Variants in RBM26 observed in about 807,000 individuals in gnomAD.
The protein encoded by RBM26 is RNA-binding protein 26.
A neutral mutation model predicts 123.6 loss-of-function variants in RBM26; 30 were observed. The observed-to-expected ratio is 0.24, with a 90% CI of 0.18 to 0.33. The LOEUF is 0.33. RBM26 is among the 10% of genes least tolerant of loss of function. The pLI is 1.00. For missense variants in RBM26, 947 were observed against 1,203.6 expected (o/e 0.79, Z 3.15); for synonymous variants, 400 against 404.4 (o/e 0.99, Z 0.13).
intron 1 of RBM26, among the ~76,000 whole-genome samples, chr13:79,379,580 T>G (rs2076917215): frequency 1.3e-5 from 2 of 151,468 alleles, no homozygotes; most frequent in South Asian, 4.2e-4. Context: ...AACTTGGCAG[T>G]TGCCTTTTAC....
chr13:79,333,593 T>C (rs552796579), intron 20 of RBM26, among the ~76,000 whole-genome samples: 1 of 152,304 alleles, frequency 6.6e-6, no homozygotes, highest in Admixed American at 6.5e-5. Flanking sequence ...CCTGGAACAA[T>C]GGCAAGGACA....
At chr13:79,325,220 CTT>C (rs1032606809) in intron 20 of RBM26, among the ~76,000 whole-genome samples, 2 of 152,042 alleles carry the variant, frequency 1.3e-5, no homozygotes, top group Non-Finnish European at 2.9e-5. Flanking sequence ...ATACTATACT[CTT>C]TATCATTATT....
chr13:79,313,070 A>G (rs2066941184), exon 5 of RBM26: 1 of 151,884 alleles, frequency 6.6e-6, no homozygotes, highest in Non-Finnish European at 1.5e-5. Context: ...AAATCTAAGT[A>G]TTGAAAAATA....
intron 14 of RBM26, among the ~76,000 whole-genome samples, chr13:79,347,596 T>C (rs964615503): frequency 6.6e-6 from 1 of 152,182 alleles, no homozygotes; most frequent in African/African-American, 2.4e-5. Context: ...CATTTCTATA[T>C]TCCAAATGCA....
chr13:79,322,383 A>T lies in RBM26; in HGVS notation c.2900T>A (p.Val967Asp), dbSNP rs576246905. ...ATCAGGCTCAACTTCTTCTGTTTCA[A>T]CAGCTGAAATATTAGTTACTGGTTT... ...WNKPVTNISAVETEEVEPDEE... is the reference protein window; with the variant it reads ...WNKPVTNISADETEEVEPDEE... The change falls in exon 21 of 22, where the codon GTT (valine) becomes GAT (aspartate). Residue 967 changes from valine (V) to aspartate (D), a missense_variant. This residue lies in a region of RBM26 where 164 missense variants were observed against 215.3 expected (regional missense o/e 0.76). Coordinates refer to ENST00000438737, the MANE Select transcript of RBM26 (RefSeq NM_001366735.2). 6.3e-7 allele frequency: 1 copy of T among 1,577,446 alleles called. No individual in the cohort carries two copies. The highest frequency in any genetic ancestry group is 1.4e-5 in the African/African-American group (1 of 72,084).
chr13:79,371,936 T>TAAAAA lies in RBM26; in HGVS notation c.328-11_328-7dup. ...CGCTCTTCCTCCTTAGTGATCTGATTAAAAAAAAAAAAAAAAGTGTACAAG... is the reference window on the plus strand; with the variant it reads ...CGCTCTTCCTCCTTAGTGATCTGATTAAAAAAAAAAAAAAAAAAAAAGTGTACAAG... On this transcript the variant is annotated splice_polypyrimidine_tract_variant and splice_region_variant and intron_variant, in intron 3 of 21. Coordinates refer to ENST00000438737, the MANE Select transcript of RBM26 (RefSeq NM_001366735.2). The TAAAAA allele has an allele frequency of 3.1e-6, 4 of 1,300,312 alleles. No homozygotes were observed. The highest frequency in any genetic ancestry group is 4.2e-6 in the Non-Finnish European group (4 of 942,124). 80.5% of individuals were successfully genotyped at this position (1,300,312 alleles called of 1,614,324 possible).
rs988255496 is a variant in RBM26, at chr13:79,354,520, T to C, written c.1905A>G (p.Ser635=). Residue 635 remains serine (S), a synonymous_variant, in exon 13 of 22, where the codon TCA becomes TCG. Coordinates refer to ENST00000438737, the MANE Select transcript of RBM26 (RefSeq NM_001366735.2). ...GTACTGGACCCAGCCGCTCTTTGACTGACTGCTTCACAACAGGCAAAATGG... is the reference window on the plus strand; with the variant it reads ...GTACTGGACCCAGCCGCTCTTTGACCGACTGCTTCACAACAGGCAAAATGG... ...QQPILPVVKQ[S]VKERLGPVPS... The C allele has an allele frequency of 3.7e-6, 6 of 1,609,124 alleles. No individual in the cohort carries two copies. The highest frequency in any genetic ancestry group is 2.5e-6 in the Non-Finnish European group (3 of 1,176,638).
chr13:79,404,456 A>G (rs993554175), intron 1 of RBM26, among the ~76,000 whole-genome samples: 1 of 152,212 alleles, frequency 6.6e-6, no homozygotes, highest in Non-Finnish European at 1.5e-5. Flanking sequence ...GGCAGAGTTA[A>G]AACAAAATTA....
At chr13:79,375,163 T>C (rs1324327755) in intron 3 of RBM26, among the ~76,000 whole-genome samples, 2 of 98,948 alleles carry the variant, frequency 2.0e-5, no homozygotes, top group Non-Finnish European at 4.2e-5. Flanking sequence ...CATATTTATA[T>C]ATATTATATA....
At chr13:79,316,228 T>TGTGTGTGC (rs1321447427), downstream of RBM26, among the ~76,000 whole-genome samples, 1 of 146,994 alleles carries the variant, frequency 6.8e-6, no homozygotes, top group Non-Finnish European at 1.5e-5. Flanking sequence ...TGTGTGTGTG[T>TGTGTGTGC]GTGTTGGGTG....
In RBM26 at chr13:79,320,816, A is replaced by G. The variant is rs183590766; in HGVS notation, c.2935-106T>C. The G allele has an allele frequency of 8.1e-5, 100 of 1,227,144 alleles. No individual in the cohort carries two copies. In the Admixed American group the frequency reaches 3.2e-3, roughly 40 times the overall value. The allele number at this position is 1,227,144 out of a possible 1,614,324, so 76.0% of individuals were successfully genotyped here. A position where few individuals can be genotyped will look rare whatever the true frequency, so the allele number is the denominator to read the frequency against. ...ATCTCTCTCAACAGAGTTGAATACA[A>G]AAGGTATTTTTATAGCTAGAACATT... On this transcript the variant is annotated intron_variant, in intron 21 of 21. Transcript: ENST00000438737.
chr13:79,326,811 C>T (rs1459646212), intron 20 of RBM26, among the ~76,000 whole-genome samples: 1 of 151,918 alleles, frequency 6.6e-6, no homozygotes, highest in Non-Finnish European at 1.5e-5. Context: ...ACAAACCAAT[C>T]TTACTTTTGA....
chr13:79,328,683 T>TAAAAAAAAAAAA (rs747906560), intron 20 of RBM26, among the ~76,000 whole-genome samples: 2 of 38,476 alleles, frequency 5.2e-5, no homozygotes, highest in African/African-American at 2.1e-4. Flanking sequence ...CTGCATTAAG[T>TAAAAAAAAAAAA]AAAAAAAAAA....
intron 21 of RBM26, among the ~76,000 whole-genome samples, chr13:79,321,434 A>T (rs1306026794): frequency 3.2e-4 from 49 of 151,496 alleles, no homozygotes; most frequent in Non-Finnish European, 1.5e-5. Context: ...TGAAGGTAAA[A>T]CATGGAATTA....
At chr13:79,354,169 C>T (rs1168848126) in intron 13 of RBM26, among the ~76,000 whole-genome samples, 1 of 151,786 alleles carries the variant, frequency 6.6e-6, no homozygotes, top group East Asian at 1.9e-4. Context: ...GTATCTCCTC[C>T]ACAAAGTGAG....
intron 11 of RBM26, among the ~76,000 whole-genome samples, chr13:79,356,496 C>CT (rs1354257104): frequency 4.6e-5 from 7 of 151,306 alleles, no homozygotes; most frequent in Non-Finnish European, 7.4e-5. Flanking sequence ...GCCTTGTTTT[C>CT]TTTTTCTACA....
chr13:79,336,341 T>G (rs1227523979), intron 19 of RBM26, among the ~76,000 whole-genome samples: 1 of 152,352 alleles, frequency 6.6e-6, no homozygotes, highest in Middle Eastern at 3.4e-3. Flanking sequence ...TATTCTGTGT[T>G]AAACTGATAC....
Position 79,337,281 on chromosome 13 carries a change from A to G in RBM26, c.2554T>C (p.Ser852Pro). The change falls in exon 19 of 22, where the codon TCA becomes CCA. Residue 852 changes from serine to proline, a missense_variant. Physicochemically the swap from Ser to Pro is moderately conservative, Grantham distance 74. Transcript: ENST00000438737. ...TGAATTCCTCTGCCCCGACCAGATG[A>G]AAGAATCCCTCGTTTGGCAGCCTAG... is the stretch of plus-strand genomic sequence containing the variant. ...QLEAAKRGIL[S>P]SGRGRGIHSR... 6.2e-7 allele frequency: 1 copy of G among 1,614,178 alleles called. No homozygotes were observed. The highest frequency in any genetic ancestry group is 8.5e-7 in the Non-Finnish European group (1 of 1,180,012).
In RBM26 at chr13:79,331,527, G is replaced by A. The variant is rs190629115; in HGVS notation, c.2820+2817C>T. Among the ~76,000 whole-genome samples, 15 of 151,160 alleles carry A rather than the reference G, an allele frequency of 9.9e-5. No homozygotes were observed. In the South Asian group the frequency reaches 1.0e-3, roughly 11 times the overall value. On this transcript the variant is annotated intron_variant, in intron 20 of 21. Coordinates refer to ENST00000438737, the MANE Select transcript of RBM26 (RefSeq NM_001366735.2). ...CAGGCACCTCTAGTCCCAGCTACTC[G>A]GGAGGCTGAGGCAGGAGAATGGCAT...
Sources: gnomAD v4.1 joint callset for allele counts (sites outside exome capture counted in the v4.1 genomes callset) on GRCh38, gnomAD v4.1.1 for gene constraint, gnomAD v4.1.1 regional missense constraint, MANE v1.5 for transcripts, NCBI Gene and HGNC (gene_info 2026-07-23, HGNC 2026-07-21) for gene names.